PDE4A: variants seen among roughly 807,000 people sequenced by gnomAD.
The protein encoded by PDE4A is phosphodiesterase 4A, also known as 3',5'-cyclic-AMP phosphodiesterase 4A.
Under a neutral mutation model 73.9 loss-of-function variants are expected in PDE4A, and 21 were observed. That is an observed-to-expected ratio of 0.28 (90% confidence interval 0.20 to 0.41). The LOEUF (loss-of-function observed/expected upper bound fraction) is 0.41, where lower values mean the gene tolerates loss of function less well. Ranked by LOEUF, PDE4A falls within the 10% of genes least tolerant of loss-of-function variation. The pLI, the probability that PDE4A is intolerant of heterozygous loss-of-function variation, is 1.00. For missense variants in PDE4A, 958 were observed against 1,211.4 expected (o/e 0.79, Z 3.10); for synonymous variants, 463 against 505.4 (o/e 0.92, Z 1.13).
At chr19:10,421,229 C>T (rs2042647512) in intron 1 of PDE4A, 145 bp downstream of exon 1, 1 of 1,336,710 alleles carries the variant, frequency 7.5e-7, no homozygotes, top group Non-Finnish European at 9.5e-7. Context: ...GCGGGGGCGT[C>T]TGGGACCTGG....
chr19:10,462,564 C>G (rs1423107889), intron 13 of PDE4A, among the ~76,000 whole-genome samples: 1 of 152,142 alleles, frequency 6.6e-6, no homozygotes, highest in African/African-American at 2.4e-5. Context: ...TGAAGTTATC[C>G]TCCTGTCTTG....
intron 7 of PDE4A, among the ~76,000 whole-genome samples, chr19:10,455,278 C>A (rs1375749831): frequency 6.6e-6 from 1 of 152,114 alleles, no homozygotes; most frequent in African/African-American, 2.4e-5. Context: ...GCCTGGCCAA[C>A]ATGGTGAAAC....
intron 14 of PDE4A, among the ~76,000 whole-genome samples, chr19:10,464,830 C>T (rs2043336949): frequency 6.6e-6 from 1 of 151,748 alleles, no homozygotes. Context: ...TGATCCTCCA[C>T]CCCCGCCTCC....
In PDE4A at chr19:10,421,335, G is replaced by C. The variant is rs2042649074; in HGVS notation, c.320+251G>C. The C allele has an allele frequency of 4.1e-6, 4 of 985,284 alleles. No individual in the cohort carries two copies. In the South Asian group the frequency reaches 1.9e-4, roughly 46 times the overall value. The allele number at this position is 985,284 out of a possible 1,614,324, so 61.0% of individuals were successfully genotyped here. A position where few individuals can be genotyped will look rare whatever the true frequency, so the allele number is the denominator to read the frequency against. Reference sequence around the variant, plus strand: ...GCTGCGCGTGGTGTTAACGAGGTCTGGGTTGGGGAAGGGGGCTGCACACTT... The same window carrying C: ...GCTGCGCGTGGTGTTAACGAGGTCTCGGTTGGGGAAGGGGGCTGCACACTT... On this transcript the variant is annotated intron_variant, in intron 1 of 14. Coordinates refer to ENST00000380702, the MANE Select transcript of PDE4A (RefSeq NM_001111307.2).
intron 14 of PDE4A, among the ~76,000 whole-genome samples, chr19:10,466,521 G>A (rs1403205245): frequency 3.3e-5 from 5 of 149,308 alleles, no homozygotes; most frequent in Middle Eastern, 7.0e-3. Context: ...TTTTTGAGAC[G>A]GAGTCTTGCT....
upstream of PDE4A, chr19:10,419,056 C>CTTT (rs977830124): frequency 1.9e-3 from 1,564 of 815,458 alleles, 1 homozygote; most frequent in East Asian, 9.0e-3. Flanking sequence ...GACCGGCAGT[C>CTTT]TTTTTTTTTT....
intron 1 of PDE4A, among the ~76,000 whole-genome samples, chr19:10,430,493 G>A (rs1003629278): frequency 6.6e-6 from 1 of 151,292 alleles, no homozygotes; most frequent in South Asian, 2.1e-4. Flanking sequence ...GAGAGACTGT[G>A]GGGTGGCTCC....
chr19:10,456,476 A>T (rs758183385), intron 7 of PDE4A, among the ~76,000 whole-genome samples: 5 of 151,872 alleles, frequency 3.3e-5, no homozygotes, highest in Non-Finnish European at 7.4e-5. Context: ...CAGTGAGCTG[A>T]GATAGCGTCA....
At chr19:10,417,080 TG>T (rs1385718830), upstream of PDE4A, 32 of 1,486,934 alleles carry the variant, frequency 2.2e-5, no homozygotes, top group Non-Finnish European at 2.9e-5. Context: ...TTCCTGAACG[TG>T]GCTTCACTAC....
At chr19:10,461,336 G>T in intron 11 of PDE4A, 190 bp from the exon 12 acceptor site, 1 of 922,884 alleles carries the variant, frequency 1.1e-6, no homozygotes, top group Non-Finnish European at 1.3e-6. Context: ...GGATGAACGG[G>T]CAGGAGGCGG....
At chr19:10,450,524 C>G in intron 4 of PDE4A, 79 bp from the exon 5 acceptor site, 2 of 1,506,374 alleles carry the variant, frequency 1.3e-6, no homozygotes, top group Non-Finnish European at 1.8e-6. Context: ...AAAATTGGCA[C>G]TGTTCATGAA....
chr19:10,430,894 C>G (rs1410769150), intron 1 of PDE4A: 38 of 1,455,294 alleles, frequency 2.6e-5, no homozygotes, highest in Non-Finnish European at 3.0e-5. Context: ...CAACTGGTGG[C>G]CTTCCCGGTG....
intron 12 of PDE4A, 73 bp downstream of exon 12, chr19:10,461,753 T>A: frequency 6.3e-7 from 1 of 1,592,938 alleles, no homozygotes; most frequent in Non-Finnish European, 8.5e-7. Context: ...GGAGTGGGTC[T>A]GAGTCCCAGA....
intron 10 of PDE4A, among the ~76,000 whole-genome samples, chr19:10,460,370 ACG>A (rs2043243350): frequency 1.3e-5 from 2 of 149,250 alleles, no homozygotes; most frequent in Non-Finnish European, 3.0e-5. Flanking sequence ...GTGGTGGGGC[ACG>A]CCTGTAATCC....
At chr19:10,455,116 T>C (rs930042285) in intron 7 of PDE4A, among the ~76,000 whole-genome samples, 194 bp downstream of exon 7, 5 of 152,162 alleles carry the variant, frequency 3.3e-5, no homozygotes, top group African/African-American at 1.2e-4. Context: ...CCAGCTTCTA[T>C]AGAGCCCAAC....
chr19:10,460,927 T>A, intron 10 of PDE4A, 77 bp from the exon 11 acceptor site: 1 of 1,473,594 alleles, frequency 6.8e-7, no homozygotes. Flanking sequence ...GCCTCCTAAG[T>A]AGGTGAGACA....
chr19:10,461,018 C>T lies in PDE4A; in HGVS notation c.1380C>T (p.Asp460=), dbSNP rs778103766. Residue 460 remains aspartate (D), a synonymous_variant, in exon 11 of 15, where the codon GAC becomes GAT. Transcript: ENST00000380702. ...ATPALDAVFT[D]LEILAALFAA... ...TCTGCTCCCAGGCAGTGTTCACGGA[C>T]CTGGAGATTCTCGCCGCCCTCTTCG... 6.2e-6 allele frequency: 10 copies of T among 1,613,462 alleles called. No individual in the cohort carries two copies. In the Admixed American group the frequency reaches 1.5e-4, roughly 24 times the overall value.
At chr19:10,452,543 G>A (rs1460718821) in intron 6 of PDE4A, among the ~76,000 whole-genome samples, 1 of 151,964 alleles carries the variant, frequency 6.6e-6, no homozygotes, top group Non-Finnish European at 1.5e-5. Flanking sequence ...GGGCGTGTCT[G>A]AAGGCATTTG....
chr19:10,416,854 A>G (rs1035723706), upstream of PDE4A: 1 of 1,533,580 alleles, frequency 6.5e-7, no homozygotes, highest in Admixed American at 2.0e-5. Context: ...TGGGGCACTG[A>G]TGGCAGATGC....
Sources: allele counts gnomAD v4.1 joint callset (sites outside exome capture counted in the v4.1 genomes callset), GRCh38; gene constraint gnomAD v4.1.1; transcripts MANE v1.5; gene names NCBI Gene and HGNC (gene_info 2026-07-23, HGNC 2026-07-21).